The following MAK variants were observed in gnomAD, a reference collection of about 807,000 sequenced individuals.
The protein encoded by MAK is serine/threonine-protein kinase MAK.
A neutral mutation model predicts 82.6 loss-of-function variants in MAK; 65 were observed. The ratio of observed to expected loss-of-function variants is 0.79; its 90% CI spans 0.64 to 0.97. The LOEUF (loss-of-function observed/expected upper bound fraction) is 0.97, where lower values mean the gene tolerates loss of function less well. MAK is among the 50% of genes least tolerant of loss of function. The pLI, the probability that MAK is intolerant of heterozygous loss-of-function variation, is 0.00. For missense variants in MAK, 703 were observed against 780.2 expected (o/e 0.90, Z 1.18); for synonymous variants, 250 against 274.2 (o/e 0.91, Z 0.87).
chr6:10,804,056 G>A (rs968587358), intron 6 of MAK, among the ~76,000 whole-genome samples, 165 bp from the exon 7 acceptor site: 1 of 152,092 alleles, frequency 6.6e-6, no homozygotes, highest in African/African-American at 2.4e-5. Context: ...GGGATAATAG[G>A]ACACAACACA....
At chr6:10,765,709 C>T (rs920093422) in intron 14 of MAK, among the ~76,000 whole-genome samples, 2 of 149,440 alleles carry the variant, frequency 1.3e-5, no homozygotes, top group African/African-American at 4.9e-5. Context: ...ATCCACCCAC[C>T]TCAGCCTTGC....
intron 1 of MAK, among the ~76,000 whole-genome samples, chr6:10,832,366 A>G (rs1360268092): frequency 1.3e-5 from 2 of 152,266 alleles, no homozygotes; most frequent in Admixed American, 1.3e-4. Flanking sequence ...GTTCTACTGT[A>G]AGTAAAATGC....
intron 6 of MAK, among the ~76,000 whole-genome samples, chr6:10,808,302 C>A (rs1776656663): frequency 6.6e-6 from 1 of 152,136 alleles, no homozygotes; most frequent in African/African-American, 2.4e-5. Flanking sequence ...TGCATGCAGT[C>A]ATAGACCCTT....
intron 11 of MAK, among the ~76,000 whole-genome samples, chr6:10,782,725 C>T (rs1260171234): frequency 1.3e-5 from 2 of 151,812 alleles, no homozygotes; most frequent in African/African-American, 4.8e-5. Context: ...TTACAGATGC[C>T]CACCACCACG....
intron 1 of MAK, among the ~76,000 whole-genome samples, chr6:10,833,421 G>A (rs975588004): frequency 1.3e-5 from 2 of 152,052 alleles, no homozygotes; most frequent in Admixed American, 6.6e-5. Context: ...CCTGACCAAC[G>A]TGGTGAAACT....
intron 14 of MAK, among the ~76,000 whole-genome samples, chr6:10,767,840 G>A (rs1772610865): frequency 6.7e-6 from 1 of 149,896 alleles, no homozygotes; most frequent in Admixed American, 6.7e-5. Context: ...AGGGGAGAAA[G>A]AAGAGCAAAG....
chr6:10,808,029 T>C (rs1453252021), intron 6 of MAK, among the ~76,000 whole-genome samples: 4 of 151,716 alleles, frequency 2.6e-5, no homozygotes, highest in East Asian at 1.9e-4. Context: ...GATCACGCCA[T>C]TGCACTCCAG....
intron 9 of MAK, 32 bp from the exon 10 acceptor site, chr6:10,791,879 A>C: frequency 6.2e-7 from 1 of 1,610,270 alleles, no homozygotes; most frequent in East Asian, 2.2e-5. Context: ...CATAATCTTT[A>C]ATCATGTACT....
chr6:10,781,269 T>C (rs1287189151), intron 11 of MAK, among the ~76,000 whole-genome samples: 2 of 152,164 alleles, frequency 1.3e-5, no homozygotes, highest in African/African-American at 2.4e-5. Flanking sequence ...CAACTTCCTA[T>C]ACAAAAATGT....
intron 12 of MAK, among the ~76,000 whole-genome samples, chr6:10,774,834 A>G (rs1773329469): frequency 6.6e-6 from 1 of 152,226 alleles, no homozygotes; most frequent in Non-Finnish European, 1.5e-5. Context: ...GAAAAAGAAA[A>G]CACACCATGG....
At chr6:10,815,938 A>ATATATATATATATATATG (rs1777460883) in intron 4 of MAK, among the ~76,000 whole-genome samples, 1 of 131,386 alleles carries the variant, frequency 7.6e-6, no homozygotes, top group Non-Finnish European at 1.6e-5. Flanking sequence ...ATATATATAT[A>ATATATATATATATATATG]TATATATATG....
In MAK at chr6:10,802,195, A is replaced by G. The variant is rs796930022; in HGVS notation, c.664-136T>C. ...CATGTTGATCCATATAAACATGAAA[A>G]TGAAATACCAGACCACGTCTATAAT... On this transcript the variant is annotated intron_variant, in intron 7 of 14. Transcript: ENST00000354489. 4.6e-6 allele frequency: 3 copies of G among 658,412 alleles called. No individual in the cohort carries two copies. In the African/African-American group the frequency reaches 5.4e-5, roughly 12 times the overall value. The allele number at this position is 658,412 out of a possible 1,614,324, so 40.8% of individuals were successfully genotyped here.
intron 5 of MAK, among the ~76,000 whole-genome samples, chr6:10,810,915 T>C (rs1042938585): frequency 6.6e-6 from 1 of 152,202 alleles, no homozygotes; most frequent in Non-Finnish European, 1.5e-5. Flanking sequence ...CAGCTGAGGT[T>C]TTCCCCATCC....
intron 8 of MAK, among the ~76,000 whole-genome samples, chr6:10,799,351 T>C (rs937086993): frequency 7.9e-5 from 12 of 152,246 alleles, no homozygotes; most frequent in African/African-American, 2.9e-4. Context: ...GTAATCTGTA[T>C]TTCTTTTCCT....
intron 5 of MAK, among the ~76,000 whole-genome samples, chr6:10,810,776 C>G (rs1776868168): frequency 1.3e-5 from 2 of 152,144 alleles, no homozygotes; most frequent in Non-Finnish European, 2.9e-5. Context: ...AAGTAACATC[C>G]ATTTCACTAT....
chr6:10,830,731 T>G lies in MAK; in HGVS notation c.-83A>C. On this transcript the variant is annotated 5_prime_UTR_variant, in exon 2 of 15. Transcript: ENST00000354489. ...AATTTGAACGCTTCTTAATTTTTAT[T>G]TGCTTTTGTCCTCACACTGTTGTTG... The G allele has an allele frequency of 9.1e-7, 1 of 1,099,874 alleles. No homozygotes were observed. Among genetic ancestry groups the G allele is most frequent in the Non-Finnish European group, 1.4e-6 (1 of 716,932 alleles). The allele number at this position is 1,099,874 out of a possible 1,614,324, so 68.1% of individuals were successfully genotyped here. A position where few individuals can be genotyped will look rare whatever the true frequency, so the allele number is the denominator to read the frequency against.
At chr6:10,826,220 T>C (rs1778359557) in intron 2 of MAK, among the ~76,000 whole-genome samples, 1 of 152,086 alleles carries the variant, frequency 6.6e-6, no homozygotes, top group African/African-American at 2.4e-5. Context: ...GTACTATTTC[T>C]TACTCCCTGG....
At chr6:10,804,995 A>G (rs1776297106) in intron 6 of MAK, among the ~76,000 whole-genome samples, 1 of 137,562 alleles carries the variant, frequency 7.3e-6, no homozygotes, top group South Asian at 2.4e-4. Flanking sequence ...GCTTCCTCCC[A>G]TATCCTAGAT....
At chr6:10,772,249 A>G (rs1773078839) in intron 13 of MAK, among the ~76,000 whole-genome samples, 1 of 152,088 alleles carries the variant, frequency 6.6e-6, no homozygotes, top group Admixed American at 6.5e-5. Context: ...GAATTTTCAG[A>G]TTGCAGCCAG....
Sources: gnomAD v4.1 joint callset for allele counts (sites outside exome capture counted in the v4.1 genomes callset) on GRCh38, gnomAD v4.1.1 for gene constraint, MANE v1.5 for transcripts, NCBI Gene and HGNC (gene_info 2026-07-23, HGNC 2026-07-21) for gene names.